The following DNER variants were observed in gnomAD, a reference collection of about 807,000 sequenced individuals.
The protein encoded by DNER is delta and Notch-like epidermal growth factor-related receptor.
Under a neutral mutation model 78.2 loss-of-function variants are expected in DNER, and 33 were observed. That is an observed-to-expected ratio of 0.42 (90% CI 0.32 to 0.56). The LOEUF (loss-of-function observed/expected upper bound fraction) is 0.56. Among genes scored for constraint, DNER ranks in the 20% least tolerant of loss-of-function variants. The probability of loss-of-function intolerance (pLI) is 0.11; values close to 1 mark genes in which losing one functional copy is unlikely to be tolerated. For missense variants in DNER, 918 were observed against 975.3 expected, an observed-to-expected ratio of 0.94 and a Z score of 0.78; for synonymous variants, 417 against 384.8, an observed-to-expected ratio of 1.08 and a Z score of -0.98.
chr2:229,558,093 T>G (rs1445581501), intron 4 of DNER, among the ~76,000 whole-genome samples: 2 of 152,160 alleles, frequency 1.3e-5, no homozygotes, highest in Admixed American at 1.3e-4. Flanking sequence ...TGGATGGAGC[T>G]GGGGGCCATT....
intron 1 of DNER, among the ~76,000 whole-genome samples, chr2:229,598,314 C>T (rs1385265548): frequency 6.6e-6 from 1 of 152,204 alleles, no homozygotes; most frequent in African/African-American, 2.4e-5. Flanking sequence ...GGCCACTCAG[C>T]AATTCATGTG....
chr2:229,582,618 A>G (rs1011637989), intron 4 of DNER, among the ~76,000 whole-genome samples: 3 of 152,188 alleles, frequency 2.0e-5, no homozygotes, highest in Non-Finnish European at 4.4e-5. Context: ...GGGGAAAAGA[A>G]TTCCTTAACA....
chr2:229,571,689 AAAG>A (rs1697220235), intron 4 of DNER, among the ~76,000 whole-genome samples: 1 of 152,096 alleles, frequency 6.6e-6, no homozygotes, highest in African/African-American at 2.4e-5. Flanking sequence ...TCTTTTCAGA[AAAG>A]AACCTTTCTT....
chr2:229,631,739 A>T (rs1297515113), intron 1 of DNER, among the ~76,000 whole-genome samples: 2 of 152,212 alleles, frequency 1.3e-5, no homozygotes, highest in Non-Finnish European at 2.9e-5. Flanking sequence ...CTGCACAGCC[A>T]GTCACCAGTG....
At chr2:229,471,382 T>C (rs975376774) in intron 7 of DNER, among the ~76,000 whole-genome samples, 2 of 152,108 alleles carry the variant, frequency 1.3e-5, no homozygotes, top group Admixed American at 1.3e-4. Context: ...TTGTAAATGC[T>C]TGGAGCTTGT....
chr2:229,608,021 C>CA (rs57795249), intron 1 of DNER, among the ~76,000 whole-genome samples: 5,601 of 86,178 alleles, frequency 0.065, 392 homozygotes, highest in East Asian at 0.16. Context: ...AACTCTGTCT[C>CA]AAAAAAAAAA....
chr2:229,520,975 C>G (rs1574883040), intron 5 of DNER, among the ~76,000 whole-genome samples: 1 of 152,370 alleles, frequency 6.6e-6, no homozygotes, highest in African/African-American at 2.4e-5. Context: ...AAGGGAGGGT[C>G]TGGCTGCCTC....
intron 7 of DNER, among the ~76,000 whole-genome samples, chr2:229,458,044 G>A (rs1694613611): frequency 7.3e-6 from 1 of 136,286 alleles, no homozygotes; most frequent in Non-Finnish European, 1.5e-5. Flanking sequence ...GCTAAGGCAG[G>A]AGAATCGCTT....
chr2:229,385,035 A>C (rs1692831701), intron 11 of DNER, among the ~76,000 whole-genome samples: 1 of 151,888 alleles, frequency 6.6e-6, no homozygotes, highest in African/African-American at 2.4e-5. Context: ...CACCGAATCC[A>C]GTAGCACATC....
intron 10 of DNER, among the ~76,000 whole-genome samples, chr2:229,405,592 G>C (rs959357353): frequency 2.0e-5 from 3 of 151,904 alleles, no homozygotes; most frequent in Admixed American, 2.0e-4. Context: ...GCTATTCCTT[G>C]ATGTAAAAAC....
intron 1 of DNER, among the ~76,000 whole-genome samples, chr2:229,642,326 CCTT>C (rs1698639952): frequency 6.6e-6 from 1 of 152,194 alleles, no homozygotes; most frequent in Admixed American, 6.5e-5. Context: ...GAAATGCACT[CCTT>C]CTCTAATAAT....
intron 10 of DNER, among the ~76,000 whole-genome samples, chr2:229,393,956 T>A (rs1693075082): frequency 6.6e-6 from 1 of 152,164 alleles, no homozygotes; most frequent in Admixed American, 6.5e-5. Context: ...AGAGAAAGGA[T>A]ATGAGGCCAA....
chr2:229,662,715 G>A (rs1699028757), intron 1 of DNER, among the ~76,000 whole-genome samples: 2 of 152,142 alleles, frequency 1.3e-5, no homozygotes, highest in African/African-American at 2.4e-5. Flanking sequence ...GACCAGAACA[G>A]ACACACCAGG....
intron 1 of DNER, among the ~76,000 whole-genome samples, chr2:229,640,637 C>T (rs930707744): frequency 2.6e-5 from 4 of 152,204 alleles, no homozygotes; most frequent in Non-Finnish European, 4.4e-5. Flanking sequence ...ATGTTCTACG[C>T]GTCTGAGGTT....
rs144097650 is a variant in DNER, at chr2:229,600,907, G to A, written c.277-9019C>T. Among the ~76,000 whole-genome samples the A allele has an allele frequency of 3.3e-4, 50 of 152,328 alleles. No individual in the cohort carries two copies. In the East Asian group the frequency reaches 7.7e-3, roughly 23 times the overall value. On this transcript the variant is annotated intron_variant, in intron 1 of 12. Coordinates refer to ENST00000341772, the MANE Select transcript of DNER (RefSeq NM_139072.4). Reference sequence around the variant, plus strand: ...GGAGAGTGACTCTGTCTGCCAGTTGGAGAGGGGGACTACAGCAAAGATGAC... The same window carrying A: ...GGAGAGTGACTCTGTCTGCCAGTTGAAGAGGGGGACTACAGCAAAGATGAC...
At chr2:229,365,256 C>G (rs1046109600) in intron 12 of DNER, among the ~76,000 whole-genome samples, 2 of 152,028 alleles carry the variant, frequency 1.3e-5, no homozygotes, top group Non-Finnish European at 2.9e-5. Flanking sequence ...TCTTAGGCTG[C>G]CTGATTTGGA....
chr2:229,627,649 G>A (rs1361121604), intron 1 of DNER, among the ~76,000 whole-genome samples: 3 of 152,158 alleles, frequency 2.0e-5, no homozygotes, highest in Non-Finnish European at 2.9e-5. Context: ...ATTAACAAGC[G>A]AAGCCTTATA....
At chr2:229,384,122 AAC>A (rs1206649630) in intron 11 of DNER, among the ~76,000 whole-genome samples, 1 of 152,254 alleles carries the variant, frequency 6.6e-6, no homozygotes, top group African/African-American at 2.4e-5. Flanking sequence ...AAAACTGCAC[AAC>A]TACATGGAAA....
At chr2:229,689,712 GA>G (rs969180206) in intron 1 of DNER, among the ~76,000 whole-genome samples, 1 of 152,022 alleles carries the variant, frequency 6.6e-6, no homozygotes. Context: ...TGGCTGCAAG[GA>G]AAAAACATAA....
Sources: allele counts gnomAD v4.1 joint callset (sites outside exome capture counted in the v4.1 genomes callset), GRCh38; gene constraint gnomAD v4.1.1; transcripts MANE v1.5; gene names NCBI Gene and HGNC (gene_info 2026-07-23, HGNC 2026-07-21).